PRPF18: variants seen among roughly 807,000 people sequenced by gnomAD.
PRPF18 encodes the protein pre-mRNA-splicing factor 18.
PRPF18 carries 38 observed loss-of-function variants against 46.5 expected under a neutral mutation model. That is an observed-to-expected ratio of 0.82 (90% CI 0.63 to 1.07). PRPF18 has a LOEUF of 1.07. Among genes scored for constraint, PRPF18 ranks in the 50% least tolerant of loss-of-function variants. The probability of loss-of-function intolerance (pLI) is 0.00; values close to 1 mark genes in which losing one functional copy is unlikely to be tolerated. For synonymous variants in PRPF18, 152 were observed against 146.7 expected (o/e 1.04, Z -0.26); for missense variants, 263 against 410.0 (o/e 0.64, Z 3.10).
intron 1 of PRPF18, among the ~76,000 whole-genome samples, chr10:13,593,403 A>G (rs775310064): frequency 2.0e-5 from 3 of 152,220 alleles, no homozygotes; most frequent in Non-Finnish European, 4.4e-5. Flanking sequence ...TTGGATTTGT[A>G]TCTTAGACAT....
At chr10:13,643,041 A>C in the PRPF18 span, 11 of 152,256 alleles carry the variant, frequency 7.2e-5, no homozygotes, top group Non-Finnish European at 1.5e-4. Flanking sequence ...CGATTGCAGC[A>C]GTCACTACTC....
At chr10:13,640,960 C>A in the PRPF18 span, 1 of 152,442 alleles carries the variant, frequency 6.6e-6, no homozygotes, top group African/African-American at 2.4e-5. Flanking sequence ...GGTGGCCTAA[C>A]CTACCCTTCT....
At chr10:13,653,175 AAAATGAAGGCTCCAGAAAACC>A in the PRPF18 span, 1 of 152,290 alleles carries the variant, frequency 6.6e-6, no homozygotes, top group East Asian at 1.9e-4. Flanking sequence ...TTTCTTGCCA[AAAATGAAGGCTCCAGAAAACC>A]TGGTGTAAAA....
rs772577554 is a variant in PRPF18, at chr10:13,630,387, G to A, written c.*47G>A. 1.4e-6 allele frequency: 2 copies of A among 1,461,480 alleles called. No homozygotes were observed. The highest frequency in any genetic ancestry group is 2.3e-5 in the East Asian group (1 of 43,282). 90.5% of individuals were successfully genotyped at this position (1,461,480 alleles called of 1,614,324 possible). On this transcript the variant is annotated 3_prime_UTR_variant, in exon 10 of 10. Coordinates refer to ENST00000378572, the MANE Select transcript of PRPF18 (RefSeq NM_003675.4). ...TAACAATAAGAAACTTAGGGAAGCA[G>A]GCTGTGGACTTCTGGAATTACCAAC...
At chr10:13,614,221 G>T in intron 8 of PRPF18, 135 bp downstream of exon 8, 1 of 692,836 alleles carries the variant, frequency 1.4e-6, no homozygotes. Context: ...GTAGTAAAAA[G>T]CGTTTTATTT....
At chr10:13,629,927 G>A (rs2080570756) in intron 9 of PRPF18, among the ~76,000 whole-genome samples, 1 of 152,226 alleles carries the variant, frequency 6.6e-6, no homozygotes. Flanking sequence ...TGGCCGAATT[G>A]TTACATGTAG....
chr10:13,592,205 C>T, intron 1 of PRPF18: 1 of 620,078 alleles, frequency 1.6e-6, no homozygotes, highest in Non-Finnish European at 3.0e-6. Context: ...ATGGGGCTTC[C>T]CCTTCTTGGG....
In PRPF18 at chr10:13,589,967, G is replaced by A. The variant is rs183399321; in HGVS notation, c.66+2815G>A. Among the ~76,000 whole-genome samples the A allele has an allele frequency of 1.9e-3, 289 of 152,156 alleles. 2 individuals carry two copies. The highest frequency in any genetic ancestry group is 3.3e-3 in the Non-Finnish European group (223 of 67,998). ...AAATTTAGGTGTTGGAGTGCATAGT[G>A]GATGTTAGGAAGGGCCAGGGTGTTG... On this transcript the variant is annotated intron_variant, in intron 1 of 9. Transcript: ENST00000378572.
chr10:13,629,279 G>T (rs1215348629), intron 9 of PRPF18, among the ~76,000 whole-genome samples: 1 of 152,210 alleles, frequency 6.6e-6, no homozygotes, highest in Non-Finnish European at 1.5e-5. Context: ...AAGTAGTGCA[G>T]TGACTACTTC....
the PRPF18 span, chr10:13,652,715 G>GAATC: frequency 6.6e-6 from 1 of 152,350 alleles, no homozygotes; most frequent in Non-Finnish European, 1.5e-5. Flanking sequence ...ATTTTAAAAG[G>GAATC]AATCAGAGGC....
intron 7 of PRPF18, 45 bp from the exon 8 acceptor site, chr10:13,613,970 A>G (rs1324248258): frequency 1.3e-6 from 2 of 1,555,534 alleles, no homozygotes; most frequent in East Asian, 2.3e-5. Flanking sequence ...TTCCCTATAC[A>G]TCTATACATA....
chr10:13,625,451 T>A lies in PRPF18; in HGVS notation c.949-4809T>A, dbSNP rs141418775. On this transcript the variant is annotated intron_variant, in intron 9 of 9. Coordinates refer to ENST00000378572, the MANE Select transcript of PRPF18 (RefSeq NM_003675.4). The stretch of plus-strand genomic sequence containing the variant: ...ATCAGCAAAAATTTAGTAATTACAT[T>A]AGTGGGTTAGAAGATAAAGTTGAAA... Among the ~76,000 whole-genome samples, 7 of 152,254 alleles carry A rather than the reference T, an allele frequency of 4.6e-5. No homozygotes were observed. The East Asian group carries it at 9.6e-4, about 21-fold the overall frequency.
intron 8 of PRPF18, 132 bp downstream of exon 8, chr10:13,614,218 A>G (rs980457721): frequency 1.6e-5 from 11 of 702,610 alleles, no homozygotes; most frequent in Non-Finnish European, 2.4e-5. Flanking sequence ...TTAGTAGTAA[A>G]AAGCGTTTTA....
At chr10:13,601,341 T>C (rs2080106178) in intron 3 of PRPF18, among the ~76,000 whole-genome samples, 1 of 152,230 alleles carries the variant, frequency 6.6e-6, no homozygotes, top group South Asian at 2.1e-4. Context: ...GTTTATAGTG[T>C]TTGTCTATAC....
chr10:13,606,733 C>CAAAAAAAAAAAA (rs34162273), intron 4 of PRPF18, among the ~76,000 whole-genome samples: 5 of 73,012 alleles, frequency 6.8e-5, no homozygotes, highest in South Asian at 7.1e-4. Flanking sequence ...GACTCCTTCT[C>CAAAAAAAAAAAA]AAAAAAAAAA....
the PRPF18 span, chr10:13,644,141 TAATAA>T: frequency 9.2e-5 from 14 of 152,500 alleles, no homozygotes; most frequent in South Asian, 4.1e-4. Context: ...CACCTGCATA[TAATAA>T]AATAAAAAAT....
intron 5 of PRPF18, among the ~76,000 whole-genome samples, chr10:13,610,943 T>A (rs1471280027): frequency 6.6e-6 from 1 of 152,204 alleles, no homozygotes; most frequent in African/African-American, 2.4e-5. Context: ...TAATCTTAAT[T>A]AAAAAGCAAT....
intron 9 of PRPF18, among the ~76,000 whole-genome samples, chr10:13,624,300 C>T (rs991574658): frequency 3.9e-5 from 6 of 152,174 alleles, no homozygotes; most frequent in Admixed American, 3.3e-4. Context: ...CTTTTAAATG[C>T]AGAACATTTT....
In PRPF18 at chr10:13,616,538, G is replaced by A. The variant is rs1488915713; in HGVS notation, c.933G>A (p.Gln311=). Residue 311 remains glutamine, a synonymous_variant, in exon 9 of 10, where the codon CAG becomes CAA. Transcript: ENST00000378572. ...HVAHVLNDET[Q]RKYIQGLKRL... is the part of the protein sequence containing the mutation. ...CACATGTTTTAAATGACGAAACTCA[G>A]CGGAAATATATTCAGGTAAGCAGTT... The A allele has an allele frequency of 1.2e-6, 2 of 1,614,054 alleles. No individual in the cohort carries two copies. The highest frequency in any genetic ancestry group is 4.5e-5 in the East Asian group (2 of 44,872).
Sources: gnomAD v4.1 joint callset for allele counts (sites outside exome capture counted in the v4.1 genomes callset) on GRCh38, gnomAD v4.1.1 for gene constraint, MANE v1.5 for transcripts, NCBI Gene and HGNC (gene_info 2026-07-23, HGNC 2026-07-21) for gene names.